Variants in CDK19 observed in about 807,000 individuals in gnomAD.
CDK19 encodes the protein cyclin-dependent kinase 19.
Under a neutral mutation model 68.3 loss-of-function variants are expected in CDK19, and 20 were observed. The ratio of observed to expected loss-of-function variants is 0.29; its 90% CI spans 0.21 to 0.43. The LOEUF is 0.43. Ranked by LOEUF, CDK19 falls within the 20% of genes least tolerant of loss-of-function variation. CDK19 has a pLI of 1.00. For missense variants in CDK19, 339 were observed against 623.5 expected, an observed-to-expected ratio of 0.54 and a Z score of 4.86; for synonymous variants, 221 against 222.8, an observed-to-expected ratio of 0.99 and a Z score of 0.07.
Position 110,627,005 on chromosome 6 carries a change from C to A in CDK19, c.787G>T (p.Ala263Ser). The A allele has an allele frequency of 1.2e-6, 2 of 1,600,596 alleles. No individual in the cohort carries two copies. The highest frequency in any genetic ancestry group is 1.7e-6 in the Non-Finnish European group (2 of 1,175,078). Reference sequence around the variant, plus strand: ...TTTAAAAAGGAAAATAAATTACCTGCAGGAAACCCCATGACACTAAATATC... The same window carrying A: ...TTTAAAAAGGAAAATAAATTACCTGAAGGAAACCCCATGACACTAAATATC... ...DRIFSVMGFPADKDWEDIRKM... is the reference protein window; with the variant it reads ...DRIFSVMGFPSDKDWEDIRKM... Residue 263 changes from alanine to serine, a missense_variant, in exon 7 of 13, where the codon GCA becomes TCA. By Grantham distance (99) the Ala-to-Ser change is moderately conservative. Transcript: ENST00000368911.
chr6:110,804,279 G>A (rs1782525209), intron 1 of CDK19, among the ~76,000 whole-genome samples: 1 of 152,098 alleles, frequency 6.6e-6, no homozygotes, highest in South Asian at 2.1e-4. Flanking sequence ...TAGGTTTAAA[G>A]CCTCTATAAG....
At chr6:110,657,024 C>A (rs1288325889) in intron 4 of CDK19, among the ~76,000 whole-genome samples, 2 of 152,148 alleles carry the variant, frequency 1.3e-5, no homozygotes, top group African/African-American at 4.8e-5. Flanking sequence ...ACATCCAGAT[C>A]AAATAATTTG....
chr6:110,709,708 C>A (rs1774798105), intron 2 of CDK19, among the ~76,000 whole-genome samples: 1 of 152,044 alleles, frequency 6.6e-6, no homozygotes, highest in East Asian at 1.9e-4. Context: ...TAACAACCCA[C>A]ATGTAATTAC....
chr6:110,716,009 AG>A (rs1775360731), intron 2 of CDK19, among the ~76,000 whole-genome samples: 1 of 152,034 alleles, frequency 6.6e-6, no homozygotes, highest in Admixed American at 6.6e-5. Flanking sequence ...TCTGTCTGGA[AG>A]GAAGTGTAAC....
intron 12 of CDK19, among the ~76,000 whole-genome samples, chr6:110,616,567 C>G (rs1778324241): frequency 6.6e-6 from 1 of 151,718 alleles, no homozygotes; most frequent in Non-Finnish European, 1.5e-5. Flanking sequence ...ACTCGGGAGG[C>G]TGAGGCAGGA....
chr6:110,637,226 A>AT (rs1311639558), intron 5 of CDK19, among the ~76,000 whole-genome samples: 1 of 152,256 alleles, frequency 6.6e-6, no homozygotes, highest in Non-Finnish European at 1.5e-5. Context: ...ACCATCCTTT[A>AT]TCTCCCTTTC....
At chr6:110,643,328 A>G (rs961264323) in intron 4 of CDK19, 2 of 518,864 alleles carry the variant, frequency 3.9e-6, no homozygotes, top group African/African-American at 4.0e-5. Context: ...TGAAAGTAAA[A>G]GGCAAACTGC....
chr6:110,728,677 C>A (rs1776528058), intron 2 of CDK19, among the ~76,000 whole-genome samples: 1 of 152,122 alleles, frequency 6.6e-6, no homozygotes, highest in Non-Finnish European at 1.5e-5. Flanking sequence ...AGGGGGTCTT[C>A]CCCTCTCAGG....
intron 5 of CDK19, among the ~76,000 whole-genome samples, chr6:110,636,593 G>C (rs1258113629): frequency 1.3e-5 from 2 of 152,172 alleles, no homozygotes; most frequent in African/African-American, 2.4e-5. Flanking sequence ...CACTTGATTT[G>C]GTAAAGTAGA....
At chr6:110,728,871 A>G (rs917214547) in intron 2 of CDK19, among the ~76,000 whole-genome samples, 5 of 152,232 alleles carry the variant, frequency 3.3e-5, no homozygotes, top group Admixed American at 6.6e-5. Context: ...CCCTAAAGTT[A>G]GATAATCTTT....
chr6:110,779,945 C>T (rs1207941982), intron 1 of CDK19, among the ~76,000 whole-genome samples: 2 of 151,896 alleles, frequency 1.3e-5, no homozygotes, highest in Admixed American at 1.3e-4. Flanking sequence ...TTAGGCCAGG[C>T]GCAATGGCTC....
chr6:110,653,663 T>C (rs1781120856), intron 4 of CDK19, among the ~76,000 whole-genome samples: 2 of 152,178 alleles, frequency 1.3e-5, no homozygotes, highest in African/African-American at 4.8e-5. Context: ...CCAGGGTTCA[T>C]TTTAGTTAAA....
Position 110,621,417 on chromosome 6 carries a change from G to A in CDK19, c.1111-47C>T. 1 of 1,512,022 alleles carries A rather than the reference G, an allele frequency of 6.6e-7. No individual in the cohort carries two copies. The highest frequency in any genetic ancestry group is 8.8e-7 in the Non-Finnish European group (1 of 1,130,990). 93.7% of individuals were successfully genotyped at this position (1,512,022 alleles called of 1,614,324 possible). A position where few individuals can be genotyped will look rare whatever the true frequency, so the allele number is the denominator to read the frequency against. On this transcript the variant is annotated intron_variant, in intron 11 of 12. Transcript: ENST00000368911. The surrounding 1 kb of genome is among the most constrained non-coding windows in gnomAD (Gnocchi z 5.4). ...GCTTGGTATGAAACCAAATTAACAG[G>A]AGCTTTCTTTAATTATTTGATATGC...
At position 110,614,448 on chromosome 6, in the gene CDK19, G is replaced by C; in HGVS notation, c.*87C>G. ...TGTATGAGTTTTAAATGGCATCATA[G>C]TTTGCATTTTTTTGGTTCTTTTCAA... On this transcript the variant is annotated 3_prime_UTR_variant, in exon 13 of 13. Transcript: ENST00000368911. 10 of 1,323,160 alleles carry C rather than the reference G, an allele frequency of 7.6e-6. 1 individual carries two copies. In the South Asian group the frequency reaches 1.2e-4, roughly 16 times the overall value. The allele number at this position is 1,323,160 out of a possible 1,614,324, so 82.0% of individuals were successfully genotyped here.
intron 2 of CDK19, among the ~76,000 whole-genome samples, chr6:110,716,046 G>A (rs377360161): frequency 6.9e-4 from 67 of 96,920 alleles, no homozygotes; most frequent in Middle Eastern, 6.3e-3. Context: ...TTAAATCCAT[G>A]AGGCTCATTA....
At chr6:110,693,552 G>A (rs1773214366) in intron 2 of CDK19, among the ~76,000 whole-genome samples, 1 of 152,216 alleles carries the variant, frequency 6.6e-6, no homozygotes, top group Non-Finnish European at 1.5e-5. Flanking sequence ...TAAACTTGGT[G>A]CTGTTAGTGG....
intron 2 of CDK19, among the ~76,000 whole-genome samples, chr6:110,692,511 A>AT: frequency 6.6e-6 from 1 of 152,210 alleles, no homozygotes; most frequent in Non-Finnish European, 1.5e-5. Context: ...AAAGGTAAAA[A>AT]TAACTGGTGT....
At chr6:110,809,556 G>C (rs1182586865) in intron 1 of CDK19, among the ~76,000 whole-genome samples, 4 of 152,186 alleles carry the variant, frequency 2.6e-5, no homozygotes, top group Admixed American at 6.5e-5. Context: ...CAACTGTTTG[G>C]AAAAGCAGTA....
chr6:110,628,590 A>T (rs1368916308), intron 6 of CDK19, among the ~76,000 whole-genome samples: 2 of 152,228 alleles, frequency 1.3e-5, no homozygotes, highest in Non-Finnish European at 2.9e-5. Flanking sequence ...GATCAAAAAA[A>T]CATAGTATAT....
Sources: allele counts gnomAD v4.1 joint callset (sites outside exome capture counted in the v4.1 genomes callset), GRCh38; gene constraint gnomAD v4.1.1; non-coding constraint Gnocchi (gnomAD v3.1); transcripts MANE v1.5; gene names NCBI Gene and HGNC (gene_info 2026-07-23, HGNC 2026-07-21).